Variants in LRRC9 observed in about 807,000 individuals in gnomAD.
LRRC9 encodes the protein leucine rich repeat containing 9.
Under a neutral mutation model 63.2 loss-of-function variants are expected in LRRC9, and 122 were observed. That is an observed-to-expected ratio of 1.93 (90% CI 1.67 to 2.24). The LOEUF is 2.24. Ranked by LOEUF, LRRC9 falls within the 30% of genes most tolerant of loss-of-function variation. LRRC9 has a pLI of 0.00. For missense variants in LRRC9, 1,071 were observed against 627.7 expected, an observed-to-expected ratio of 1.71 and a Z score of -7.55; for synonymous variants, 366 against 213.1, an observed-to-expected ratio of 1.72 and a Z score of -6.25.
Position 59,962,298 on chromosome 14 carries a change from G to A in LRRC9, c.1211+1253G>A, listed in dbSNP as rs1276532292. Among the ~76,000 whole-genome samples the A allele has an allele frequency of 6.6e-6, 1 of 152,146 alleles. No homozygotes were observed. Among genetic ancestry groups the A allele is most frequent in the African/African-American group, 2.4e-5 (1 of 41,430 alleles). Reference sequence around the variant, plus strand: ...ATTTTTATATACAAAGATATAAAAGGTGTTCATCCAGCTCCCATGTAAACA... The same window carrying A: ...ATTTTTATATACAAAGATATAAAAGATGTTCATCCAGCTCCCATGTAAACA... On this transcript the variant is annotated intron_variant, in intron 10 of 31. Transcript: ENST00000445360. The surrounding 1 kb of genome is among the most constrained non-coding windows in gnomAD (Gnocchi z 5.1).
At chr14:59,998,805 CTAGA>C (rs1256961335) in intron 18 of LRRC9, among the ~76,000 whole-genome samples, 3 of 152,030 alleles carry the variant, frequency 2.0e-5, no homozygotes, top group Admixed American at 2.0e-4. Flanking sequence ...TACTGCTGAT[CTAGA>C]TAAACAGGAG....
At chr14:60,039,700 T>G (rs979673159) in intron 29 of LRRC9, among the ~76,000 whole-genome samples, 2 of 152,122 alleles carry the variant, frequency 1.3e-5, no homozygotes, top group African/African-American at 4.8e-5. Flanking sequence ...TTTGTTGATC[T>G]TTTGAAAAAA....
intron 7 of LRRC9, among the ~76,000 whole-genome samples, chr14:59,941,418 G>A (rs1438922932): frequency 6.6e-6 from 1 of 150,872 alleles, no homozygotes; most frequent in Non-Finnish European, 1.5e-5. Context: ...CCCACCTAGG[G>A]GGATTCCAAG....
intron 29 of LRRC9, among the ~76,000 whole-genome samples, chr14:60,043,723 T>A (rs1296023516): frequency 6.6e-6 from 1 of 151,286 alleles, no homozygotes; most frequent in Non-Finnish European, 1.5e-5. Context: ...GCATCTATAT[T>A]CATCAGTGAG....
intron 17 of LRRC9, among the ~76,000 whole-genome samples, chr14:59,994,613 A>G (rs1253251264): frequency 6.6e-6 from 1 of 152,208 alleles, no homozygotes; most frequent in Non-Finnish European, 1.5e-5. Flanking sequence ...AACCAACCCA[A>G]ATGTCCAACA....
At chr14:59,969,610 C>G (rs945007517) in intron 12 of LRRC9, among the ~76,000 whole-genome samples, 1 of 152,106 alleles carries the variant, frequency 6.6e-6, no homozygotes, top group African/African-American at 2.4e-5. Flanking sequence ...GAGGGCTGGC[C>G]ATAGTGGGGA....
At chr14:60,049,151 T>C (rs965255472) in intron 29 of LRRC9, among the ~76,000 whole-genome samples, 2 of 152,188 alleles carry the variant, frequency 1.3e-5, no homozygotes, top group African/African-American at 2.4e-5. Context: ...ATAAGAGCCA[T>C]ATATTACAAT....
At chr14:60,007,624 G>A (rs1355249949) in intron 22 of LRRC9, among the ~76,000 whole-genome samples, 2 of 151,994 alleles carry the variant, frequency 1.3e-5, no homozygotes, top group African/African-American at 4.8e-5. Flanking sequence ...AAGTATATTT[G>A]TCTTAAACAT....
At chr14:59,946,612 C>G (rs1452855815) in intron 8 of LRRC9, among the ~76,000 whole-genome samples, 1 of 145,114 alleles carries the variant, frequency 6.9e-6, no homozygotes, top group Non-Finnish European at 1.5e-5. Flanking sequence ...CCCACTAACT[C>G]GTCATCTAGC....
intron 12 of LRRC9, among the ~76,000 whole-genome samples, chr14:59,970,994 G>C (rs118055790): frequency 6.6e-6 from 1 of 152,062 alleles, no homozygotes; most frequent in Admixed American, 6.6e-5. Flanking sequence ...TGTAGTATTT[G>C]CCCATTCCTA....
chr14:60,036,878 T>A (rs970409787), intron 29 of LRRC9, among the ~76,000 whole-genome samples: 3 of 152,106 alleles, frequency 2.0e-5, no homozygotes, highest in Non-Finnish European at 4.4e-5. Context: ...AACTTGTCAT[T>A]TACATTAGGT....
intron 23 of LRRC9, among the ~76,000 whole-genome samples, chr14:60,014,431 G>C (rs1342333693): frequency 6.6e-6 from 1 of 151,482 alleles, no homozygotes; most frequent in Admixed American, 6.6e-5. Context: ...TCATTTCTTA[G>C]GGTAGTTCTG....
At chr14:60,038,321 A>G in intron 29 of LRRC9, among the ~76,000 whole-genome samples, 1 of 152,176 alleles carries the variant, frequency 6.6e-6, no homozygotes, top group Admixed American at 6.5e-5. Context: ...TGGTAGCTTG[A>G]TGGGGATGGC....
At chr14:60,022,189 CTG>C (rs1327752729) in intron 26 of LRRC9, among the ~76,000 whole-genome samples, 1 of 151,688 alleles carries the variant, frequency 6.6e-6, no homozygotes, top group African/African-American at 2.4e-5. Flanking sequence ...TTGTAGTTCT[CTG>C]TGTACAGATT....
chr14:59,961,093 T>G (rs1884308751), intron 10 of LRRC9, 48 bp downstream of exon 10: 1 of 539,902 alleles, frequency 1.9e-6, no homozygotes, highest in East Asian at 3.1e-5. Context: ...ACTTAAGTAC[T>G]TAGGATCATC....
chr14:60,044,711 G>T (rs1451556687), intron 29 of LRRC9, among the ~76,000 whole-genome samples: 6 of 152,112 alleles, frequency 3.9e-5, no homozygotes, highest in Admixed American at 3.3e-4. Flanking sequence ...CTAAGATATG[G>T]TCTATTATGG....
Position 60,013,086 on chromosome 14 carries a change from T to G in LRRC9, c.3187-3574T>G, listed in dbSNP as rs79836531. ...AACTCGTCATTTAGCATTAGGTATA[T>G]CTCCTAATGCTATCCCTCCCCCCTC... On this transcript the variant is annotated intron_variant, in intron 23 of 31. Transcript: ENST00000445360. 0.013 allele frequency among the ~76,000 whole-genome samples: 1,999 copies of G among 151,098 alleles called. 69 individuals are homozygous for G. The East Asian group carries it at 0.14, about 11-fold the overall frequency.
chr14:59,990,888 C>G lies in LRRC9; in HGVS notation c.2211+5664C>G, dbSNP rs919777296. Among the ~76,000 whole-genome samples, 1 of 152,246 alleles carries G rather than the reference C, an allele frequency of 6.6e-6. No homozygotes were observed. The highest frequency in any genetic ancestry group is 1.5e-5 in the Non-Finnish European group (1 of 68,040). On this transcript the variant is annotated intron_variant, in intron 17 of 31. Coordinates refer to ENST00000445360, the Ensembl canonical transcript of LRRC9. The surrounding 1 kb of genome is among the most constrained non-coding windows in gnomAD (Gnocchi z 4.2). ...GCTGCCCTGACACTTCCTTCTTCTC[C>G]CACATGAATACCATGCAGGTCTTGT...
chr14:60,021,738 C>T (rs1411703706), intron 26 of LRRC9, among the ~76,000 whole-genome samples: 4 of 151,804 alleles, frequency 2.6e-5, no homozygotes, highest in Non-Finnish European at 5.9e-5. Flanking sequence ...TTCCTTAGAA[C>T]ACTCTCCTTT....
Sources: allele counts gnomAD v4.1 joint callset (sites outside exome capture counted in the v4.1 genomes callset), GRCh38; gene constraint gnomAD v4.1.1; non-coding constraint Gnocchi (gnomAD v3.1); transcripts MANE v1.5; gene names NCBI Gene and HGNC (gene_info 2026-07-23, HGNC 2026-07-21).